Variants in B3GALT1 observed in about 807,000 individuals in gnomAD.
B3GALT1 encodes the protein UDP-Gal:betaGlcNAc beta 1,3-galactosyltransferase, polypeptide 1.
A neutral mutation model predicts 23.2 loss-of-function variants in B3GALT1; 10 were observed. The ratio of observed to expected loss-of-function variants is 0.43; its 90% CI spans 0.27 to 0.73. The LOEUF (loss-of-function observed/expected upper bound fraction) is 0.73. Ranked by LOEUF, B3GALT1 falls within the 30% of genes least tolerant of loss-of-function variation. The pLI, the probability that B3GALT1 is intolerant of heterozygous loss-of-function variation, is 0.21. For synonymous variants in B3GALT1, 156 were observed against 141.5 expected (o/e 1.10, Z -0.73); for missense variants, 299 against 405.4 (o/e 0.74, Z 2.25).
intron 1 of B3GALT1, among the ~76,000 whole-genome samples, chr2:167,424,504 C>CT (rs1159137559): frequency 1.3e-5 from 2 of 151,816 alleles, no homozygotes; most frequent in African/African-American, 4.8e-5. Flanking sequence ...CAAGGAAGAG[C>CT]TTTTTTTTCC....
At chr2:167,841,359 A>G (rs755495196) in intron 4 of B3GALT1, among the ~76,000 whole-genome samples, 25 of 152,158 alleles carry the variant, frequency 1.6e-4, no homozygotes, top group Non-Finnish European at 3.4e-4. Context: ...GGTTCCTCAG[A>G]TCTGACATTT....
intron 2 of B3GALT1, among the ~76,000 whole-genome samples, chr2:167,633,365 C>G (rs1479704867): frequency 1.3e-5 from 2 of 151,870 alleles, no homozygotes; most frequent in Admixed American, 6.6e-5. Context: ...AAGACACAGA[C>G]TGGCAACTTG....
chr2:167,681,840 C>G (rs937408315), intron 3 of B3GALT1, among the ~76,000 whole-genome samples: 2 of 152,128 alleles, frequency 1.3e-5, no homozygotes, highest in African/African-American at 2.4e-5. Flanking sequence ...TACACAAAGC[C>G]TTTGTCAGTA....
At chr2:167,333,611 C>T (rs1407522554) in intron 1 of B3GALT1, among the ~76,000 whole-genome samples, 2 of 152,158 alleles carry the variant, frequency 1.3e-5, no homozygotes, top group Non-Finnish European at 2.9e-5. Flanking sequence ...TTGAAACTAC[C>T]TGATGACCTA....
intron 1 of B3GALT1, among the ~76,000 whole-genome samples, chr2:167,353,389 C>G (rs1230812040): frequency 6.6e-6 from 1 of 151,928 alleles, no homozygotes; most frequent in Admixed American, 6.6e-5. Flanking sequence ...AGTTGGATGA[C>G]TTGAGCTTTT....
chr2:167,360,429 A>T (rs1023479772), intron 1 of B3GALT1, among the ~76,000 whole-genome samples: 1 of 152,164 alleles, frequency 6.6e-6, no homozygotes, highest in Admixed American at 6.5e-5. Context: ...CTTTGAGAAC[A>T]TCTAGTCAGT....
chr2:167,850,691 T>C (rs980641976), intron 4 of B3GALT1, among the ~76,000 whole-genome samples: 2 of 152,182 alleles, frequency 1.3e-5, no homozygotes, highest in African/African-American at 4.8e-5. Flanking sequence ...TTGGAGACTA[T>C]TATTCTAAGT....
intron 1 of B3GALT1, among the ~76,000 whole-genome samples, chr2:167,394,349 T>A (rs1030733074): frequency 2.0e-5 from 3 of 152,210 alleles, no homozygotes; most frequent in Non-Finnish European, 4.4e-5. Context: ...TCAGATTATC[T>A]CAAAGTAATC....
intron 1 of B3GALT1, among the ~76,000 whole-genome samples, chr2:167,394,308 C>T (rs1698061870): frequency 6.6e-6 from 1 of 152,156 alleles, no homozygotes; most frequent in Admixed American, 6.5e-5. Flanking sequence ...AGAGTTTTGA[C>T]AGTTCTAAAT....
chr2:167,852,815 G>A (rs542179898), intron 4 of B3GALT1, among the ~76,000 whole-genome samples: 1 of 152,192 alleles, frequency 6.6e-6, no homozygotes, highest in Admixed American at 6.5e-5. Context: ...GCTAATACTG[G>A]ATGACGAATT....
At chr2:167,723,280 G>A (rs1305732795) in intron 3 of B3GALT1, among the ~76,000 whole-genome samples, 2 of 152,190 alleles carry the variant, frequency 1.3e-5, no homozygotes, top group Admixed American at 6.5e-5. Context: ...GTTAGAACTG[G>A]TGATTATTGA....
chr2:167,839,996 A>G (rs1387813272), intron 4 of B3GALT1, among the ~76,000 whole-genome samples: 2 of 152,144 alleles, frequency 1.3e-5, no homozygotes, highest in Non-Finnish European at 2.9e-5. Context: ...CTGAAACTGG[A>G]TCCCTTCCTT....
chr2:167,590,069 A>G (rs988804213), intron 2 of B3GALT1, among the ~76,000 whole-genome samples: 15 of 152,252 alleles, frequency 9.9e-5, no homozygotes, highest in South Asian at 6.2e-4. Context: ...TTAGTGGGCC[A>G]GGCGCGGTGA....
At chr2:167,774,480 T>TGG (rs201227874) in intron 3 of B3GALT1, among the ~76,000 whole-genome samples, 1 of 121,410 alleles carries the variant, frequency 8.2e-6, no homozygotes, top group Non-Finnish European at 1.6e-5. Context: ...TGGTTTTTTT[T>TGG]TTTTGTTTTT....
At chr2:167,848,241 T>C (rs1689802445) in intron 4 of B3GALT1, among the ~76,000 whole-genome samples, 2 of 152,112 alleles carry the variant, frequency 1.3e-5, no homozygotes, top group Admixed American at 6.5e-5. Flanking sequence ...ATTCATTCTG[T>C]GAAGCGAGCA....
At chr2:167,739,380 G>A (rs1490637419) in intron 3 of B3GALT1, among the ~76,000 whole-genome samples, 1 of 152,160 alleles carries the variant, frequency 6.6e-6, no homozygotes, top group Non-Finnish European at 1.5e-5. Context: ...AGGAAAGAAA[G>A]CAGAGGGGAG....
At chr2:167,669,871 A>G (rs1047367229) in intron 3 of B3GALT1, among the ~76,000 whole-genome samples, 1 of 152,124 alleles carries the variant, frequency 6.6e-6, no homozygotes, top group African/African-American at 2.4e-5. Context: ...CCCCACCCAG[A>G]ACACTGAGGG....
At chr2:167,561,489 A>C (rs1033224290) in intron 2 of B3GALT1, among the ~76,000 whole-genome samples, 1 of 152,066 alleles carries the variant, frequency 6.6e-6, no homozygotes, top group African/African-American at 2.4e-5. Context: ...GACACAAAAA[A>C]CCCTTCAAAA....
intron 3 of B3GALT1, among the ~76,000 whole-genome samples, chr2:167,794,898 T>C (rs186841685): frequency 6.4e-4 from 95 of 149,458 alleles, no homozygotes; most frequent in African/African-American, 2.3e-3. Flanking sequence ...GAGCTCCAGT[T>C]ACCAATATCA....
Sources: gnomAD v4.1 joint callset for allele counts (sites outside exome capture counted in the v4.1 genomes callset) on GRCh38, gnomAD v4.1.1 for gene constraint, MANE v1.5 for transcripts, NCBI Gene and HGNC (gene_info 2026-07-23, HGNC 2026-07-21) for gene names.